Variants in CREBRF observed in about 807,000 individuals in gnomAD.
CREBRF encodes the protein CREB3 regulatory factor, also known as UPF0474 protein C5orf41.
Under a neutral mutation model 66.1 loss-of-function variants are expected in CREBRF, and 5 were observed. The ratio of observed to expected loss-of-function variants is 0.08; its 90% CI spans 0.04 to 0.16. The LOEUF is 0.16. Ranked by LOEUF, CREBRF falls within the 10% of genes least tolerant of loss-of-function variation. CREBRF has a pLI of 1.00. For synonymous variants in CREBRF, 229 were observed against 264.4 expected (o/e 0.87, Z 1.30); for missense variants, 531 against 744.9 (o/e 0.71, Z 3.34).
At chr5:173,092,897 C>G (rs1035364984) in intron 4 of CREBRF, among the ~76,000 whole-genome samples, 4 of 152,112 alleles carry the variant, frequency 2.6e-5, no homozygotes, top group African/African-American at 9.7e-5. Flanking sequence ...GTTTACTGTA[C>G]AACTCTATAT....
At chr5:173,074,932 T>C (rs978814802) in intron 1 of CREBRF, among the ~76,000 whole-genome samples, 2 of 152,140 alleles carry the variant, frequency 1.3e-5, no homozygotes, top group Non-Finnish European at 2.9e-5. Flanking sequence ...CCTCCCATAT[T>C]TTAAAAACTC....
intron 7 of CREBRF, among the ~76,000 whole-genome samples, chr5:173,119,276 A>C (rs1458066695): frequency 6.6e-6 from 1 of 152,196 alleles, no homozygotes; most frequent in East Asian, 1.9e-4. Flanking sequence ...GAGAATTACT[A>C]TCTTAAAATG....
Position 173,137,534 on chromosome 5 carries a change from T to G in CREBRF, c.*3789T>G, listed in dbSNP as rs1349708624. On this transcript the variant is annotated 3_prime_UTR_variant, in exon 9 of 9. Coordinates refer to ENST00000296953, the MANE Select transcript of CREBRF (RefSeq NM_153607.3). ...TGCATTTAAAGAAAGGTGTGTTCAA[T>G]TCATCAGCTTGAAATTGACTATTTC... The G allele has an allele frequency of 1.3e-5, 2 of 152,084 alleles. No individual in the cohort carries two copies. Among genetic ancestry groups the G allele is most frequent in the African/African-American group, 4.8e-5 (2 of 41,430 alleles). 9.4% of individuals were successfully genotyped at this position (152,084 alleles called of 1,614,324 possible). A position where few individuals can be genotyped will look rare whatever the true frequency, so the allele number is the denominator to read the frequency against.
intron 4 of CREBRF, among the ~76,000 whole-genome samples, chr5:173,107,817 ATTTTTTTTTTTT>A (rs559120882): frequency 2.5e-5 from 3 of 121,850 alleles, no homozygotes; most frequent in South Asian, 5.0e-4. Flanking sequence ...TCTCTACAAA[ATTTTTTTTTTTT>A]TTTTTTTTTT....
chr5:173,091,666 G>T, intron 4 of CREBRF: 1 of 1,131,792 alleles, frequency 8.8e-7, no homozygotes, highest in African/African-American at 1.6e-5. Context: ...TTAAAATAGA[G>T]ATGAGAGCTT....
At chr5:173,079,281 T>C (rs1757859741) in intron 1 of CREBRF, among the ~76,000 whole-genome samples, 1 of 151,862 alleles carries the variant, frequency 6.6e-6, no homozygotes, top group East Asian at 1.9e-4. Flanking sequence ...TTATAGTCAG[T>C]TTATTAATCT....
chr5:173,101,284 T>C (rs1758622297), intron 4 of CREBRF, among the ~76,000 whole-genome samples: 1 of 152,132 alleles, frequency 6.6e-6, no homozygotes, highest in Admixed American at 6.6e-5. Flanking sequence ...CTTATACTCC[T>C]GGGCTGAAGC....
intron 7 of CREBRF, among the ~76,000 whole-genome samples, chr5:173,120,442 C>T (rs554363731): frequency 9.9e-5 from 15 of 151,140 alleles, no homozygotes; most frequent in South Asian, 2.1e-4. Flanking sequence ...TGCAGTGGCA[C>T]GATCTCAGCT....
intron 4 of CREBRF, among the ~76,000 whole-genome samples, chr5:173,095,663 G>A (rs550731162): frequency 2.2e-4 from 34 of 152,150 alleles, no homozygotes; most frequent in African/African-American, 8.2e-4. Context: ...TTCATTTTGG[G>A]TGATATGGAT....
intron 1 of CREBRF, among the ~76,000 whole-genome samples, chr5:173,061,115 CT>C (rs1757258238): frequency 6.6e-6 from 1 of 151,994 alleles, no homozygotes; most frequent in Non-Finnish European, 1.5e-5. Flanking sequence ...TTACAGGCGC[CT>C]GCCACCGTGC....
At chr5:173,088,505 AAAT>A (rs1758234908) in intron 3 of CREBRF, among the ~76,000 whole-genome samples, 1 of 151,188 alleles carries the variant, frequency 6.6e-6, no homozygotes, top group African/African-American at 2.4e-5. Context: ...AAAAAAAAAA[AAAT>A]GAATGCATCA....
chr5:173,118,657 T>A (rs1471582886), intron 7 of CREBRF, among the ~76,000 whole-genome samples: 1 of 152,122 alleles, frequency 6.6e-6, no homozygotes, highest in East Asian at 1.9e-4. Context: ...AGACCACATA[T>A]TTATGGGTTT....
At chr5:173,069,723 G>C (rs1052368299) in intron 1 of CREBRF, among the ~76,000 whole-genome samples, 2 of 152,102 alleles carry the variant, frequency 1.3e-5, no homozygotes, top group Admixed American at 1.3e-4. Context: ...GTGGCACCGA[G>C]CTTTTCTCAG....
At chr5:173,094,259 T>C (rs1009734344) in intron 4 of CREBRF, among the ~76,000 whole-genome samples, 1 of 152,230 alleles carries the variant, frequency 6.6e-6, no homozygotes, top group South Asian at 2.1e-4. Context: ...AATGCAGATA[T>C]CTCTTCAAGA....
chr5:173,126,952 T>C (rs1019489932), intron 8 of CREBRF, among the ~76,000 whole-genome samples: 1 of 152,126 alleles, frequency 6.6e-6, no homozygotes, highest in African/African-American at 2.4e-5. Flanking sequence ...TTTGGGAGGC[T>C]GAGGTGGGAG....
intron 1 of CREBRF, among the ~76,000 whole-genome samples, chr5:173,065,993 A>T (rs1375593972): frequency 1.3e-5 from 2 of 150,322 alleles, no homozygotes; most frequent in Non-Finnish European, 3.0e-5. Flanking sequence ...TTTATTTTTT[A>T]TTTTTTTTGA....
At chr5:173,071,855 G>A (rs998778804) in intron 1 of CREBRF, among the ~76,000 whole-genome samples, 12 of 151,722 alleles carry the variant, frequency 7.9e-5, no homozygotes, top group African/African-American at 2.9e-4. Context: ...AGGAGTTCGA[G>A]ACCAGCCTGG....
chr5:173,057,038 C>A (rs3095844), intron 1 of CREBRF, among the ~76,000 whole-genome samples: 38 of 151,176 alleles, frequency 2.5e-4, no homozygotes, highest in African/African-American at 9.0e-4. Flanking sequence ...CAGGGCGTCT[C>A]GGGGGTAGCC....
intron 4 of CREBRF, among the ~76,000 whole-genome samples, chr5:173,105,699 C>CAT (rs1611071): frequency 0.66 from 100,223 of 151,570 alleles, 33,635 homozygotes; most frequent in African/African-American, 0.72. Context: ...TTCCTGACCT[C>CAT]GTGATCTACC....
Sources: allele counts gnomAD v4.1 joint callset (sites outside exome capture counted in the v4.1 genomes callset), GRCh38; gene constraint gnomAD v4.1.1; transcripts MANE v1.5; gene names NCBI Gene and HGNC (gene_info 2026-07-23, HGNC 2026-07-21).